Variants in KDM5A observed in about 807,000 individuals in gnomAD.
KDM5A encodes lysine demethylase 5A, also known as lysine-specific demethylase 5A.
KDM5A carries 42 observed loss-of-function variants against 193.5 expected under a neutral mutation model. The ratio of observed to expected loss-of-function variants is 0.22; its 90% CI spans 0.17 to 0.28. KDM5A has a LOEUF of 0.28. Among genes scored for constraint, KDM5A ranks in the 10% least tolerant of loss-of-function variants. The pLI is 1.00. For missense variants in KDM5A, 1,692 were observed against 2,055.1 expected (o/e 0.82, Z 3.42); for synonymous variants, 796 against 718.1 (o/e 1.11, Z -1.73).
rs1943899736 is a variant in KDM5A, at chr12:334,370, G to C, written c.1361C>G (p.Ser454Cys). ...GTCCACATTAATATGTGCAAGAACA[G>C]ACTGTTCCAGGACAGGCATGTTATT... ...NLNNMPVLEQ[S>C]VLAHINVDIS... The change falls in exon 11 of 28, where the codon TCT becomes TGT. Residue 454 changes from serine (S) to cysteine (C), a missense_variant. Around this residue, in one of 11 missense-constraint regions of KDM5A, gnomAD observed 172 missense variants for 260.3 expected, o/e 0.66. Coordinates refer to ENST00000399788, the MANE Select transcript of KDM5A (RefSeq NM_001042603.3). 10 of 1,614,010 alleles carry C rather than the reference G, an allele frequency of 6.2e-6. No individual in the cohort carries two copies. Among genetic ancestry groups the C allele is most frequent in the South Asian group, 3.3e-5 (3 of 91,082 alleles).
At chr12:363,191 T>G (rs1944314092) in intron 4 of KDM5A, 94 bp from the exon 5 acceptor site, 3 of 1,399,588 alleles carry the variant, frequency 2.1e-6, no homozygotes, top group Non-Finnish European at 3.0e-6. Context: ...AATGAATCCC[T>G]AAAACTAGAC....
intron 12 of KDM5A, among the ~76,000 whole-genome samples, chr12:332,651 TA>T (rs1164139672): frequency 6.6e-6 from 1 of 152,218 alleles, no homozygotes; most frequent in Non-Finnish European, 1.5e-5. Flanking sequence ...TCTCATGTAT[TA>T]AAAGCTAAGA....
At chr12:349,664 A>G (rs1273699336) in intron 10 of KDM5A, among the ~76,000 whole-genome samples, 1 of 151,386 alleles carries the variant, frequency 6.6e-6, no homozygotes, top group Admixed American at 6.6e-5. Context: ...CAAAAATATT[A>G]AACTGGAGTT....
intron 22 of KDM5A, 84 bp from the exon 23 acceptor site, chr12:308,089 C>A: frequency 7.0e-7 from 1 of 1,437,262 alleles, no homozygotes; most frequent in Non-Finnish European, 9.7e-7. Context: ...TGGGATCTTT[C>A]TCCCAAGTTA....
chr12:371,558 T>C (rs1340810414), intron 3 of KDM5A, among the ~76,000 whole-genome samples: 6 of 152,220 alleles, frequency 3.9e-5, no homozygotes, highest in Non-Finnish European at 7.3e-5. Flanking sequence ...TGTAGGTTGC[T>C]TGTTTACTCT....
chr12:306,509 G>A (rs1943508550), intron 24 of KDM5A, among the ~76,000 whole-genome samples: 2 of 152,006 alleles, frequency 1.3e-5, no homozygotes, highest in Non-Finnish European at 2.9e-5. Flanking sequence ...TTGGGAGGCC[G>A]AGGCAGGCAG....
intron 10 of KDM5A, among the ~76,000 whole-genome samples, chr12:346,492 AAC>A (rs1162641393): frequency 2.0e-5 from 3 of 152,338 alleles, no homozygotes; most frequent in South Asian, 4.1e-4. Flanking sequence ...ATCCCTGATG[AAC>A]ATCGATGTGA....
At chr12:321,378 C>T (rs1033122606) in intron 17 of KDM5A, among the ~76,000 whole-genome samples, 4 of 152,182 alleles carry the variant, frequency 2.6e-5, no homozygotes, top group Admixed American at 2.0e-4. Context: ...ATATTAAGTT[C>T]ATTGATAAAA....
At chr12:359,986 T>C (rs1262169057) in intron 5 of KDM5A, among the ~76,000 whole-genome samples, 3 of 151,362 alleles carry the variant, frequency 2.0e-5, no homozygotes, top group African/African-American at 7.3e-5. Context: ...AAGAAAAGGA[T>C]AGATTTGGGC....
intron 10 of KDM5A, among the ~76,000 whole-genome samples, chr12:348,383 C>A (rs1183634821): frequency 1.3e-5 from 2 of 152,184 alleles, no homozygotes; most frequent in African/African-American, 4.8e-5. Flanking sequence ...AGTAGAAATA[C>A]CATTTGACCC....
At chr12:324,095 C>T (rs1439789659) in intron 14 of KDM5A, among the ~76,000 whole-genome samples, 3 of 151,864 alleles carry the variant, frequency 2.0e-5, no homozygotes, top group Non-Finnish European at 4.4e-5. Context: ...TTGTTTGAAG[C>T]CAGGGATTTG....
rs138262224 is a variant in KDM5A, at chr12:296,170, A to G, written c.4235-377T>C. On this transcript the variant is annotated intron_variant, in intron 25 of 27. Transcript: ENST00000399788. ...CCCATCTCTACTAAAAATACAAAAA[A>G]TTAGCCAAGCGTGGTGGCGCATGCC... Among the ~76,000 whole-genome samples, 417 of 152,094 alleles carry G rather than the reference A, an allele frequency of 2.7e-3. 2 individuals are homozygous for G. The highest frequency in any genetic ancestry group is 9.6e-3 in the African/African-American group (398 of 41,460).
intron 11 of KDM5A, among the ~76,000 whole-genome samples, 198 bp downstream of exon 11, chr12:334,037 CAAAATA>C (rs1431543345): frequency 2.0e-5 from 3 of 152,168 alleles, no homozygotes; most frequent in Non-Finnish European, 2.9e-5. Context: ...CCACAATGAT[CAAAATA>C]AGTCAGTGCT....
chr12:288,325 T>C (rs1234097430), intron 27 of KDM5A, among the ~76,000 whole-genome samples: 1 of 152,168 alleles, frequency 6.6e-6, no homozygotes, highest in African/African-American at 2.4e-5. Flanking sequence ...TTCTAGGAGA[T>C]GTATTTAGTG....
rs918480857 is a variant in KDM5A, at chr12:366,010, G to C, written c.461C>G (p.Thr154Ser). ...ATAATGTGACTTCAAAAGAGACCCA[G>C]TTCCTTTTCCTGGCAGATATCCCAA... ...SRLGYLPGKGTGSLLKSHYER... is the reference protein window; with the variant it reads ...SRLGYLPGKGSGSLLKSHYER... Residue 154 changes from threonine (T) to serine (S), a missense_variant, in exon 4 of 28, where the codon ACT becomes AGT. Physicochemically the swap from Thr to Ser is moderately conservative, Grantham distance 58. This residue lies in a region of KDM5A where 120 missense variants were observed against 172.0 expected (regional missense o/e 0.70). Coordinates refer to ENST00000399788, the MANE Select transcript of KDM5A (RefSeq NM_001042603.3). 6.2e-7 allele frequency: 1 copy of C among 1,613,830 alleles called. No homozygotes were observed. The highest frequency in any genetic ancestry group is 8.5e-7 in the Non-Finnish European group (1 of 1,179,802).
chr12:295,135 C>T (rs1463614077), intron 26 of KDM5A, among the ~76,000 whole-genome samples: 9 of 151,928 alleles, frequency 5.9e-5, no homozygotes, highest in Non-Finnish European at 1.5e-5. Context: ...TGCCCTTCCC[C>T]GCTTCTTTTT....
intron 10 of KDM5A, among the ~76,000 whole-genome samples, chr12:345,424 G>C (rs187540428): frequency 2.0e-4 from 31 of 152,228 alleles, no homozygotes; most frequent in Admixed American, 1.2e-3. Context: ...AGACCTAATA[G>C]ACATCTACAG....
intron 8 of KDM5A, 77 bp downstream of exon 8, chr12:353,999 A>C (rs1309964444): frequency 9.5e-7 from 1 of 1,057,782 alleles, no homozygotes; most frequent in Non-Finnish European, 1.5e-6. Context: ...ATATTTGGGA[A>C]TATGTTTATA....
In KDM5A at chr12:307,437, G is replaced by A. The variant is rs777101252; in HGVS notation, c.3930+17C>T. 8 of 1,609,928 alleles carry A rather than the reference G, an allele frequency of 5.0e-6. No individual in the cohort carries two copies. The highest frequency in any genetic ancestry group is 2.7e-5 in the African/African-American group (2 of 74,804). ...ATATCCCATGAAATAGAAAAAGAAT[G>A]TAAATCCTAAACTTGCCTGTAAGTC... On this transcript the variant is annotated intron_variant, in intron 23 of 27. Transcript: ENST00000399788. The surrounding 1 kb of genome is among the most constrained non-coding windows in gnomAD (Gnocchi z 4.3).
Sources: allele counts gnomAD v4.1 joint callset (sites outside exome capture counted in the v4.1 genomes callset), GRCh38; gene constraint gnomAD v4.1.1; regional missense constraint gnomAD v4.1.1; non-coding constraint Gnocchi (gnomAD v3.1); transcripts MANE v1.5; gene names NCBI Gene and HGNC (gene_info 2026-07-23, HGNC 2026-07-21).